ZMYND11: variants seen among roughly 807,000 people sequenced by gnomAD.
ZMYND11 encodes the protein zinc finger MYND domain-containing protein 11.
Under a neutral mutation model 84.9 loss-of-function variants are expected in ZMYND11, and 9 were observed. That is an observed-to-expected ratio of 0.11 (90% CI 0.06 to 0.18). ZMYND11 has a LOEUF of 0.18. ZMYND11 is among the 10% of genes least tolerant of loss of function. The pLI is 1.00. For missense variants in ZMYND11, 409 were observed against 761.0 expected, an observed-to-expected ratio of 0.54 and a Z score of 5.44; for synonymous variants, 250 against 244.1, an observed-to-expected ratio of 1.02 and a Z score of -0.23.
At chr10:166,616 A>C (rs1554763938) in intron 1 of ZMYND11, among the ~76,000 whole-genome samples, 5 of 152,152 alleles carry the variant, frequency 3.3e-5, no homozygotes, top group Non-Finnish European at 5.9e-5. Flanking sequence ...AATGTGGAGA[A>C]ATTGGAACAC....
At chr10:173,324 G>A (rs1845810562) in intron 1 of ZMYND11, among the ~76,000 whole-genome samples, 1 of 152,142 alleles carries the variant, frequency 6.6e-6, no homozygotes, top group Non-Finnish European at 1.5e-5. Flanking sequence ...TTCTGTCAAA[G>A]ATAATGTCAA....
chr10:142,312 C>T (rs1007834182), intron 1 of ZMYND11, among the ~76,000 whole-genome samples: 3 of 152,114 alleles, frequency 2.0e-5, no homozygotes, highest in African/African-American at 7.2e-5. Context: ...ACGCTGGTCC[C>T]AAACTCCTGA....
intron 2 of ZMYND11, among the ~76,000 whole-genome samples, chr10:200,331 TTATA>T (rs1454843379): frequency 6.9e-6 from 1 of 145,442 alleles, no homozygotes; most frequent in Non-Finnish European, 1.5e-5. Context: ...ATAATATGTA[TTATA>T]TATAACATAT....
chr10:154,008 G>A (rs1841057076), intron 1 of ZMYND11, among the ~76,000 whole-genome samples: 1 of 152,164 alleles, frequency 6.6e-6, no homozygotes, highest in Non-Finnish European at 1.5e-5. Flanking sequence ...TGTGTAAAGA[G>A]ACCATGAATT....
intron 4 of ZMYND11, among the ~76,000 whole-genome samples, chr10:228,149 C>T (rs1479518560): frequency 6.6e-6 from 1 of 151,984 alleles, no homozygotes; most frequent in African/African-American, 2.4e-5. Context: ...ATTGGATCTA[C>T]AATATAAAAC....
At chr10:149,702 T>C (rs1313174224) in intron 1 of ZMYND11, among the ~76,000 whole-genome samples, 1 of 152,228 alleles carries the variant, frequency 6.6e-6, no homozygotes, top group East Asian at 1.9e-4. Flanking sequence ...TGGGCACTAA[T>C]TTTATACTTT....
intron 2 of ZMYND11, among the ~76,000 whole-genome samples, chr10:203,294 A>G (rs1209184620): frequency 6.6e-6 from 1 of 152,162 alleles, no homozygotes; most frequent in Non-Finnish European, 1.5e-5. Flanking sequence ...CAGACTGCCC[A>G]ATAAATACCA....
chr10:221,706 G>A (rs1947167825), intron 4 of ZMYND11, among the ~76,000 whole-genome samples: 2 of 152,036 alleles, frequency 1.3e-5, no homozygotes, highest in Admixed American at 1.3e-4. Context: ...ACAATTTATG[G>A]TATTCAGGAA....
At chr10:248,779 T>G in intron 13 of ZMYND11, 124 bp from the exon 14 acceptor site, 1 of 1,416,028 alleles carries the variant, frequency 7.1e-7, no homozygotes, top group Non-Finnish European at 9.4e-7. Flanking sequence ...CACCTAAATT[T>G]TTTACACATG....
At chr10:240,696 G>A (rs1030839450) in intron 8 of ZMYND11, among the ~76,000 whole-genome samples, 197 bp from the exon 9 acceptor site, 3 of 152,144 alleles carry the variant, frequency 2.0e-5, no homozygotes, top group Admixed American at 6.5e-5. Context: ...TGAGACCAGC[G>A]ACATGGTTCT....
intron 2 of ZMYND11, among the ~76,000 whole-genome samples, chr10:198,630 A>G (rs1281178319): frequency 5.3e-5 from 8 of 152,210 alleles, no homozygotes; most frequent in Admixed American, 5.2e-4. Flanking sequence ...CATTTTTCCT[A>G]GAGTCACTGG....
rs773867109 is a variant in ZMYND11 at position 239,500 on chromosome 10, C to T, written c.672C>T (p.Leu224=). Residue 224 remains leucine, a synonymous_variant, in exon 7 of 15, where the codon CTC becomes CTT. Transcript: ENST00000381604. ...TCAAAGCTGATGCCCAATTGCTTCT[C>T]CACAATACCGTGATTTTCTATGGAG... The part of the protein sequence containing the change: ...EEFKADAQLL[L]HNTVIFYGAD... 3.1e-6 allele frequency: 5 copies of T among 1,611,812 alleles called. No individual in the cohort carries two copies. Among genetic ancestry groups the T allele is most frequent in the Non-Finnish European group, 4.2e-6 (5 of 1,179,330 alleles).
intron 1 of ZMYND11, among the ~76,000 whole-genome samples, chr10:137,960 G>T (rs1351833812): frequency 1.3e-5 from 2 of 152,112 alleles, no homozygotes; most frequent in African/African-American, 4.8e-5. Context: ...TCCTTTTACA[G>T]TCTCTAAATT....
At chr10:223,534 A>T (rs1031706634) in intron 4 of ZMYND11, among the ~76,000 whole-genome samples, 2 of 151,996 alleles carry the variant, frequency 1.3e-5, no homozygotes, top group Non-Finnish European at 2.9e-5. Context: ...AAAATCTTGA[A>T]TTTTTCATTC....
intron 1 of ZMYND11, chr10:155,021 T>C (rs1049345753): frequency 2.6e-5 from 4 of 152,220 alleles, no homozygotes; most frequent in Non-Finnish European, 4.4e-5. Flanking sequence ...TGGCTTAGTA[T>C]ATGATATGCT....
In ZMYND11 at chr10:245,832, A is replaced by G. The variant is rs76547879; in HGVS notation, c.951-934A>G. ...ACAAAATTGTAAGTCCCTCAAAGGC[A>G]GAGGCAGTGTAGGAAGTGCCATCCT... is the stretch of plus-strand genomic sequence containing the variant. On this transcript the variant is annotated intron_variant, in intron 10 of 14. Transcript: ENST00000381604. 6.0e-4 allele frequency among the ~76,000 whole-genome samples: 91 copies of G among 152,380 alleles called. 1 individual carries two copies. The East Asian group carries it at 0.016, about 27-fold the overall frequency.
upstream of ZMYND11, among the ~76,000 whole-genome samples, chr10:131,454 G>T (rs1202641522): frequency 2.6e-5 from 4 of 152,146 alleles, no homozygotes; most frequent in African/African-American, 9.7e-5. Context: ...TCAGCTCCTC[G>T]GTTGCTGTGT....
chr10:167,485 T>G (rs906944326), intron 1 of ZMYND11, among the ~76,000 whole-genome samples: 1 of 152,190 alleles, frequency 6.6e-6, no homozygotes, highest in African/African-American at 2.4e-5. Context: ...ATTAAAAAAT[T>G]TTTTAAAAGG....
chr10:175,684 T>G (rs1240844727), intron 1 of ZMYND11, among the ~76,000 whole-genome samples: 1 of 152,188 alleles, frequency 6.6e-6, no homozygotes, highest in Non-Finnish European at 1.5e-5. Flanking sequence ...ATAGCTAGAT[T>G]TCAGTAAAAT....
Sources: gnomAD v4.1 joint callset for allele counts (sites outside exome capture counted in the v4.1 genomes callset) on GRCh38, gnomAD v4.1.1 for gene constraint, MANE v1.5 for transcripts, NCBI Gene and HGNC (gene_info 2026-07-23, HGNC 2026-07-21) for gene names.